The following JAM2 variants were observed in gnomAD, a reference collection of about 807,000 sequenced individuals.
JAM2 encodes the protein junctional adhesion molecule B.
Under a neutral mutation model 42.0 loss-of-function variants are expected in JAM2, and 17 were observed. The ratio of observed to expected loss-of-function variants is 0.40; its 90% CI spans 0.28 to 0.61. The LOEUF is 0.61. JAM2 is among the 20% of genes least tolerant of loss of function. The pLI is 0.37. For synonymous variants in JAM2, 118 were observed against 128.6 expected, an observed-to-expected ratio of 0.92 and a Z score of 0.56; for missense variants, 319 against 358.3, an observed-to-expected ratio of 0.89 and a Z score of 0.89.
At chr21:25,676,497 G>C (rs1346381178) in intron 1 of JAM2, among the ~76,000 whole-genome samples, 1 of 152,096 alleles carries the variant, frequency 6.6e-6, no homozygotes, top group Non-Finnish European at 1.5e-5. Context: ...TGTTTTTAAA[G>C]TTGGGAGGAA....
At chr21:25,699,069 C>A (rs2034103966) in intron 5 of JAM2, among the ~76,000 whole-genome samples, 190 bp downstream of exon 5, 1 of 152,134 alleles carries the variant, frequency 6.6e-6, no homozygotes, top group African/African-American at 2.4e-5. Flanking sequence ...GACATGGGAA[C>A]AGAAAACAGA....
intron 1 of JAM2, among the ~76,000 whole-genome samples, chr21:25,665,932 C>T (rs1405774844): frequency 6.6e-6 from 1 of 151,958 alleles, no homozygotes; most frequent in African/African-American, 2.4e-5. Flanking sequence ...TCCAGCTACT[C>T]GGGAGGCTGA....
At chr21:25,699,550 G>C (rs1395392707) in intron 5 of JAM2, among the ~76,000 whole-genome samples, 1 of 151,798 alleles carries the variant, frequency 6.6e-6, no homozygotes, top group Middle Eastern at 3.2e-3. Flanking sequence ...GTGAAACCCC[G>C]TCTCTACTAA....
At chr21:25,648,450 TTG>T (rs61479815) in intron 1 of JAM2, among the ~76,000 whole-genome samples, 1,864 of 147,964 alleles carry the variant, frequency 0.013, 32 homozygotes, top group African/African-American at 0.038. Flanking sequence ...TGCCGTGTGT[TTG>T]TGTGTGTGTG....
intron 1 of JAM2, among the ~76,000 whole-genome samples, chr21:25,674,901 T>C (rs1034073137): frequency 6.6e-6 from 1 of 152,012 alleles, no homozygotes; most frequent in African/African-American, 2.4e-5. Context: ...CTGGGTGGCA[T>C]TATTTTATTT....
chr21:25,704,665 T>G (rs1011702270), intron 6 of JAM2, among the ~76,000 whole-genome samples: 10 of 152,228 alleles, frequency 6.6e-5, no homozygotes, highest in African/African-American at 2.4e-4. Context: ...GGGAAGTATC[T>G]AAATGGCAGA....
At chr21:25,651,548 T>A (rs1221359096) in intron 1 of JAM2, among the ~76,000 whole-genome samples, 1 of 152,218 alleles carries the variant, frequency 6.6e-6, no homozygotes, top group African/African-American at 2.4e-5. Context: ...CATCTAGCCT[T>A]TGACCCATCA....
In JAM2 at chr21:25,693,737, T is replaced by C; in HGVS notation, c.242-19T>C. On this transcript the variant is annotated intron_variant, in intron 3 of 9. Transcript: ENST00000480456. ...CTACTTGGATTATTACTAACATCAATGTCTTCTTTTTCTAAAAGGTGATTT... is the reference window on the plus strand; with the variant it reads ...CTACTTGGATTATTACTAACATCAACGTCTTCTTTTTCTAAAAGGTGATTT... The C allele has an allele frequency of 1.2e-6, 2 of 1,603,370 alleles. No individual in the cohort carries two copies. Among genetic ancestry groups the C allele is most frequent in the African/African-American group, 1.3e-5 (1 of 74,820 alleles).
chr21:25,711,385 T>A (rs1345747489), intron 8 of JAM2: 1 of 455,886 alleles, frequency 2.2e-6, no homozygotes, highest in African/African-American at 2.0e-5. Context: ...GACCTAACTT[T>A]GGCTCTATGG....
In JAM2 at chr21:25,712,342, A is replaced by C; in HGVS notation, c.824A>C (p.Lys275Thr). The change falls in exon 9 of 10, where the codon AAG (lysine) becomes ACG (threonine). Residue 275 changes from lysine to threonine, a missense_variant and splice_region_variant. Coordinates refer to ENST00000480456, the MANE Select transcript of JAM2 (RefSeq NM_021219.4). ...TGTCTTTTATATTCCACAAACAGGA[A>C]GAGTAATTCTTCATCTAAAGCCACG... ...GYFSKETSFQ[K>T]SNSSSKATTM... The C allele has an allele frequency of 1.3e-6, 2 of 1,587,022 alleles. No homozygotes were observed. Among genetic ancestry groups the C allele is most frequent in the Non-Finnish European group, 1.7e-6 (2 of 1,156,396 alleles).
At chr21:25,670,257 G>A (rs1236162110) in intron 1 of JAM2, among the ~76,000 whole-genome samples, 1 of 152,130 alleles carries the variant, frequency 6.6e-6, no homozygotes, top group Non-Finnish European at 1.5e-5. Flanking sequence ...GCCGAGGTAG[G>A]TAGGTCCCTT....
chr21:25,697,386 C>G (rs138922626), intron 4 of JAM2, among the ~76,000 whole-genome samples: 1 of 152,028 alleles, frequency 6.6e-6, no homozygotes, highest in African/African-American at 2.4e-5. Flanking sequence ...CTTGGGAGAC[C>G]ACCTTAGAAT....
intron 1 of JAM2, among the ~76,000 whole-genome samples, chr21:25,667,828 C>T (rs753425628): frequency 1.8e-4 from 27 of 152,034 alleles, no homozygotes; most frequent in Non-Finnish European, 3.1e-4. Flanking sequence ...ACCTTCAGTA[C>T]ATAAACACAT....
chr21:25,643,910 G>C (rs747029485), intron 1 of JAM2: 2 of 152,160 alleles, frequency 1.3e-5, no homozygotes, highest in Non-Finnish European at 2.9e-5. Flanking sequence ...CTTCCTCATA[G>C]AGAAGATGTA....
chr21:25,666,668 C>A (rs2033232544), intron 1 of JAM2, among the ~76,000 whole-genome samples: 1 of 152,000 alleles, frequency 6.6e-6, no homozygotes, highest in Non-Finnish European at 1.5e-5. Context: ...TCCTGAGGAG[C>A]TGGGACAACA....
At chr21:25,707,553 G>T (rs535980028) in intron 7 of JAM2, among the ~76,000 whole-genome samples, 1 of 152,300 alleles carries the variant, frequency 6.6e-6, no homozygotes, top group East Asian at 1.9e-4. Flanking sequence ...AGCTACTTCT[G>T]TACACAGTTT....
chr21:25,683,740 G>T, intron 1 of JAM2, 143 bp from the exon 2 acceptor site: 1 of 579,040 alleles, frequency 1.7e-6, no homozygotes, highest in South Asian at 2.4e-5. Flanking sequence ...TTCCTATTTT[G>T]ATCCTTTAAA....
chr21:25,685,258 A>C (rs2033724260), intron 2 of JAM2, among the ~76,000 whole-genome samples: 1 of 152,104 alleles, frequency 6.6e-6, no homozygotes, highest in Non-Finnish European at 1.5e-5. Context: ...TGTAGTAAGA[A>C]TCAGTCCTGG....
intron 1 of JAM2, among the ~76,000 whole-genome samples, chr21:25,640,941 A>C (rs2032420978): frequency 6.6e-6 from 1 of 152,224 alleles, no homozygotes. Context: ...ATACCACAAT[A>C]CAATGATATT....
Sources: gnomAD v4.1 joint callset for allele counts (sites outside exome capture counted in the v4.1 genomes callset) on GRCh38, gnomAD v4.1.1 for gene constraint, MANE v1.5 for transcripts, NCBI Gene and HGNC (gene_info 2026-07-23, HGNC 2026-07-21) for gene names.